Variants in MARCHF1 observed in about 807,000 individuals in gnomAD.
MARCHF1 encodes membrane associated ring-CH-type finger 1.
A neutral mutation model predicts 54.2 loss-of-function variants in MARCHF1; 40 were observed. The observed-to-expected ratio is 0.74, with a 90% CI of 0.57 to 0.96. The LOEUF is 0.96. Among genes scored for constraint, MARCHF1 ranks in the 40% least tolerant of loss-of-function variants. The pLI is 0.00. For synonymous variants in MARCHF1, 236 were observed against 236.3 expected, an observed-to-expected ratio of 1.00 and a Z score of 0.01; for missense variants, 586 against 656.5, an observed-to-expected ratio of 0.89 and a Z score of 1.17.
rs189901779 is a variant in MARCHF1 at position 163,648,159 on chromosome 4, C to T, written c.163-34766G>A. ...AAAAATAAAACTTGGGATTTTTCCT[C>T]TTTCCATTAGGGATTCAAGTTTTTG... is the stretch of plus-strand genomic sequence containing the variant. On this transcript the variant is annotated intron_variant, in intron 5 of 9. Transcript: ENST00000514618. Among the ~76,000 whole-genome samples the T allele has an allele frequency of 2.0e-3, 307 of 151,996 alleles. 2 individuals are homozygous for T. Among genetic ancestry groups the T allele is most frequent in the African/African-American group, 6.9e-3 (285 of 41,528 alleles).
At chr4:163,655,425 C>T (rs528464848) in intron 5 of MARCHF1, among the ~76,000 whole-genome samples, 1 of 151,842 alleles carries the variant, frequency 6.6e-6, no homozygotes, top group Non-Finnish European at 1.5e-5. Context: ...TAGAGACCTA[C>T]AAAGAAACGT....
chr4:163,624,336 A>G (rs537374562), intron 5 of MARCHF1, among the ~76,000 whole-genome samples: 1 of 152,298 alleles, frequency 6.6e-6, no homozygotes, highest in African/African-American at 2.4e-5. Context: ...GCCAACACCC[A>G]TTCCTTCAAG....
intron 5 of MARCHF1, among the ~76,000 whole-genome samples, chr4:163,644,225 A>G (rs576029740): frequency 6.6e-6 from 1 of 152,256 alleles, no homozygotes; most frequent in South Asian, 2.1e-4. Context: ...TTTCCCTCAT[A>G]GCAGCAATAA....
At chr4:164,334,319 C>T (rs943914068) in intron 1 of MARCHF1, among the ~76,000 whole-genome samples, 1 of 152,136 alleles carries the variant, frequency 6.6e-6, no homozygotes, top group Non-Finnish European at 1.5e-5. Flanking sequence ...CAGGCTGACT[C>T]TTTTGTTAGG....
chr4:163,954,809 A>T (rs60897681), intron 3 of MARCHF1, among the ~76,000 whole-genome samples: 1 of 152,188 alleles, frequency 6.6e-6, no homozygotes, highest in Non-Finnish European at 1.5e-5. Context: ...ACTCAGAGGC[A>T]CAAAACCAAG....
chr4:164,062,140 T>A (rs1316608804), intron 2 of MARCHF1, among the ~76,000 whole-genome samples: 1 of 152,246 alleles, frequency 6.6e-6, no homozygotes, highest in Admixed American at 6.5e-5. Flanking sequence ...ATAGATTCCA[T>A]CTCAGAGAAT....
intron 3 of MARCHF1, among the ~76,000 whole-genome samples, chr4:163,888,754 A>G (rs781495947): frequency 6.6e-6 from 1 of 152,176 alleles, no homozygotes; most frequent in Non-Finnish European, 1.5e-5. Flanking sequence ...ATTTATCAAG[A>G]CAACCCCTCT....
At chr4:164,063,298 T>C (rs540863056) in intron 2 of MARCHF1, among the ~76,000 whole-genome samples, 3 of 152,246 alleles carry the variant, frequency 2.0e-5, no homozygotes, top group Non-Finnish European at 4.4e-5. Flanking sequence ...TTAAATGGCA[T>C]CTTCTTCCAA....
intron 4 of MARCHF1, among the ~76,000 whole-genome samples, chr4:163,701,177 A>T (rs570732829): frequency 2.6e-5 from 4 of 152,206 alleles, no homozygotes; most frequent in Non-Finnish European, 5.9e-5. Context: ...AAAATTAGAC[A>T]GTAAAACTGT....
At chr4:164,215,388 C>T (rs1731901366) in intron 1 of MARCHF1, among the ~76,000 whole-genome samples, 1 of 152,102 alleles carries the variant, frequency 6.6e-6, no homozygotes, top group African/African-American at 2.4e-5. Flanking sequence ...CTCTCCATGT[C>T]CAACTGCTTG....
intron 5 of MARCHF1, among the ~76,000 whole-genome samples, chr4:163,683,124 T>C (rs189137319): frequency 1.6e-4 from 25 of 152,298 alleles, no homozygotes; most frequent in Non-Finnish European, 3.4e-4. Flanking sequence ...TTGATATTTA[T>C]GATGTATTAG....
At chr4:164,021,079 C>CTTTTTTTTTT (rs58872172) in intron 2 of MARCHF1, among the ~76,000 whole-genome samples, 1 of 141,688 alleles carries the variant, frequency 7.1e-6, no homozygotes, top group Non-Finnish European at 1.5e-5. Flanking sequence ...ATTTCTGTCC[C>CTTTTTTTTTT]TTTTTTTTTT....
At chr4:164,014,220 C>A (rs891078176) in intron 2 of MARCHF1, among the ~76,000 whole-genome samples, 4 of 149,852 alleles carry the variant, frequency 2.7e-5, no homozygotes, top group Middle Eastern at 3.4e-3. Flanking sequence ...AGAGAGAAAG[C>A]AGAAAGTCAA....
chr4:163,527,722 G>A lies in MARCHF1; in HGVS notation c.*1026C>T, dbSNP rs1340887277. 6.6e-6 allele frequency: 1 copy of A among 151,518 alleles called. No homozygotes were observed. Among genetic ancestry groups the A allele is most frequent in the African/African-American group, 2.4e-5 (1 of 41,372 alleles). The allele number at this position is 151,518 out of a possible 1,614,324, so 9.4% of individuals were successfully genotyped here. A position where few individuals can be genotyped will look rare whatever the true frequency, so the allele number is the denominator to read the frequency against. Reference sequence around the variant, plus strand: ...GCAGAAGCTTAGTCTCTAATTTTACGGCTGTGCTATCCAATATAGTTAATT... The same window carrying A: ...GCAGAAGCTTAGTCTCTAATTTTACAGCTGTGCTATCCAATATAGTTAATT... On this transcript the variant is annotated 3_prime_UTR_variant, in exon 10 of 10. Transcript: ENST00000514618.
chr4:163,955,878 A>C (rs1369407503), intron 3 of MARCHF1, among the ~76,000 whole-genome samples: 1 of 152,170 alleles, frequency 6.6e-6, no homozygotes, highest in Non-Finnish European at 1.5e-5. Context: ...AACTATAAAC[A>C]TGTATTTTGA....
rs116402628 is a variant in MARCHF1 at position 163,552,369 on chromosome 4, C to T, written c.1192-6626G>A. 6.0e-3 allele frequency among the ~76,000 whole-genome samples: 917 copies of T among 152,240 alleles called. 5 individuals carry two copies. The highest frequency in any genetic ancestry group is 0.021 in the African/African-American group (857 of 41,544). The stretch of plus-strand genomic sequence containing the variant: ...CTACCATCTTGAGACAGTGTGTGCA[C>T]GCAGCGGTTTAGAATCGGGGGAAGT... On this transcript the variant is annotated intron_variant, in intron 8 of 9. Transcript: ENST00000514618.
chr4:164,205,566 A>G (rs1731583748), intron 1 of MARCHF1, among the ~76,000 whole-genome samples: 1 of 152,202 alleles, frequency 6.6e-6, no homozygotes, highest in Non-Finnish European at 1.5e-5. Context: ...ATTTAAAATA[A>G]CCAAAATTGT....
At chr4:163,955,398 T>G (rs912880814) in intron 3 of MARCHF1, among the ~76,000 whole-genome samples, 8 of 148,836 alleles carry the variant, frequency 5.4e-5, no homozygotes, top group African/African-American at 2.0e-4. Flanking sequence ...TTAATGACTC[T>G]CACTGCCTGT....
At chr4:163,971,877 A>C (rs1477464703) in intron 3 of MARCHF1, among the ~76,000 whole-genome samples, 1 of 152,206 alleles carries the variant, frequency 6.6e-6, no homozygotes, top group Non-Finnish European at 1.5e-5. Flanking sequence ...ATACTTAAGA[A>C]GTATGGAAGC....
Sources: gnomAD v4.1 joint callset for allele counts (sites outside exome capture counted in the v4.1 genomes callset) on GRCh38, gnomAD v4.1.1 for gene constraint, MANE v1.5 for transcripts, NCBI Gene and HGNC (gene_info 2026-07-23, HGNC 2026-07-21) for gene names.